Variants in AIMP2 observed in about 807,000 individuals in gnomAD.
AIMP2 encodes aminoacyl tRNA synthetase complex interacting multifunctional protein 2, also known as aminoacyl tRNA synthase complex-interacting multifunctional protein 2.
AIMP2 carries 20 observed loss-of-function variants against 23.4 expected under a neutral mutation model. That is an observed-to-expected ratio of 0.85 (90% CI 0.60 to 1.24). AIMP2 has a LOEUF of 1.24. Ranked by LOEUF, AIMP2 falls within the 50% of genes most tolerant of loss-of-function variation. The pLI is 0.00. For synonymous variants in AIMP2, 210 were observed against 170.4 expected (o/e 1.23, Z -1.81); for missense variants, 515 against 414.5 (o/e 1.24, Z -2.10).
intron 3 of AIMP2, chr7:6,022,511 A>G (rs1787499653): frequency 6.6e-6 from 1 of 152,238 alleles, no homozygotes; most frequent in African/African-American, 2.4e-5. Flanking sequence ...AAGAGGCAGC[A>G]AGGGTTTAGG....
intron 1 of AIMP2, chr7:6,012,624 C>G (rs1054571614): frequency 1.4e-5 from 4 of 283,208 alleles, no homozygotes; most frequent in Non-Finnish European, 3.1e-5. Context: ...ATGTCGCAAT[C>G]TCAGCTCACT....
At chr7:6,021,359 A>G (rs995751504) in intron 3 of AIMP2, among the ~76,000 whole-genome samples, 13 of 150,608 alleles carry the variant, frequency 8.6e-5, no homozygotes, top group Admixed American at 2.0e-4. Flanking sequence ...AAAAAAAAAA[A>G]GAGAACCCTG....
intron 1 of AIMP2, among the ~76,000 whole-genome samples, chr7:6,013,414 C>T (rs1231473391): frequency 7.6e-6 from 1 of 131,902 alleles, no homozygotes; most frequent in African/African-American, 2.5e-5. Context: ...GGCACCCACA[C>T]CACACCTGGC....
At chr7:6,012,928 T>A in intron 1 of AIMP2, 1 of 989,824 alleles carries the variant, frequency 1.0e-6, no homozygotes, top group Non-Finnish European at 1.2e-6. Flanking sequence ...CTCTGACGTT[T>A]GATCTTAAAT....
At chr7:6,020,940 A>C (rs960574439) in intron 3 of AIMP2, among the ~76,000 whole-genome samples, 17 of 152,204 alleles carry the variant, frequency 1.1e-4, no homozygotes, top group African/African-American at 3.6e-4. Context: ...TAACGGGAAA[A>C]GATAAACACA....
intron 1 of AIMP2, among the ~76,000 whole-genome samples, chr7:6,013,673 G>A (rs1456900282): frequency 6.6e-6 from 1 of 152,192 alleles, no homozygotes; most frequent in Non-Finnish European, 1.5e-5. Context: ...GCCTGGCCAC[G>A]TGTGGTGGCT....
chr7:6,011,158 T>C (rs1182765187), intron 1 of AIMP2, among the ~76,000 whole-genome samples: 4 of 152,198 alleles, frequency 2.6e-5, no homozygotes, highest in Admixed American at 2.0e-4. Flanking sequence ...AATACTCTTA[T>C]ACAGAGGAGC....
At chr7:6,012,792 T>A (rs936112341) in intron 1 of AIMP2, 42 of 1,015,772 alleles carry the variant, frequency 4.1e-5, no homozygotes, top group Non-Finnish European at 4.0e-5. Context: ...CCTCAAGTGA[T>A]CCACCCGCCT....
chr7:6,010,667 T>C (rs1371360715), intron 1 of AIMP2, among the ~76,000 whole-genome samples: 1 of 152,076 alleles, frequency 6.6e-6, no homozygotes, highest in Non-Finnish European at 1.5e-5. Context: ...CAGGCTGATC[T>C]CGAACTCCTG....
chr7:6,011,650 C>G (rs943910923), intron 1 of AIMP2, among the ~76,000 whole-genome samples: 4 of 152,146 alleles, frequency 2.6e-5, no homozygotes, highest in Admixed American at 1.3e-4. Flanking sequence ...CCCAATAACA[C>G]AACTGTTATT....
chr7:6,014,998 G>A, intron 1 of AIMP2, 148 bp from the exon 2 acceptor site: 1 of 1,495,338 alleles, frequency 6.7e-7, no homozygotes, highest in Non-Finnish European at 8.9e-7. Context: ...GGGATTACAG[G>A]CGTGAGCCAC....
chr7:6,014,788 C>T (rs28430759), intron 1 of AIMP2: 88,788 of 218,048 alleles, frequency 0.41, 19,827 homozygotes, highest in East Asian at 0.71. Flanking sequence ...GGTGCCATCT[C>T]GGCTCACTGC....
chr7:6,019,143 T>C (rs79231966), intron 3 of AIMP2, among the ~76,000 whole-genome samples: 3,785 of 151,664 alleles, frequency 0.025, 85 homozygotes, highest in Middle Eastern at 0.12. Flanking sequence ...TCTGCTTCAA[T>C]CTGCTTCAGA....
chr7:6,019,579 C>A (rs1010962999), intron 3 of AIMP2, among the ~76,000 whole-genome samples: 1 of 151,260 alleles, frequency 6.6e-6, no homozygotes, highest in African/African-American at 2.4e-5. Flanking sequence ...GGGACACTTA[C>A]AAAGTGTCTC....
At chr7:6,012,749 G>C (rs1378292155) in intron 1 of AIMP2, 2 of 782,996 alleles carry the variant, frequency 2.6e-6, no homozygotes, top group African/African-American at 3.7e-5. Flanking sequence ...AGTAGAAATG[G>C]AGTTTCATCA....
chr7:6,009,734 T>A (rs186949505), intron 1 of AIMP2, among the ~76,000 whole-genome samples: 1 of 151,562 alleles, frequency 6.6e-6, no homozygotes, highest in Admixed American at 6.6e-5. Flanking sequence ...GCGGATCACC[T>A]GAGGTCAGGA....
chr7:6,020,033 A>AAG (rs56878185), intron 3 of AIMP2, among the ~76,000 whole-genome samples: 18,202 of 150,446 alleles, frequency 0.12, 1,309 homozygotes, highest in African/African-American at 0.18. Flanking sequence ...AAAAAAAAAA[A>AAG]AAAAGGGAAA....
At chr7:6,023,061 A>G in intron 3 of AIMP2, 1 of 478,842 alleles carries the variant, frequency 2.1e-6, no homozygotes, top group Non-Finnish European at 3.6e-6. Flanking sequence ...TTCTAGCTTC[A>G]GAAGTGTCAT....
intron 2 of AIMP2, chr7:6,016,804 G>C (rs1787056551): frequency 6.6e-6 from 1 of 152,280 alleles, no homozygotes; most frequent in South Asian, 2.1e-4. Context: ...GGCCGTGAGT[G>C]TTCACATCAG....
Sources: gnomAD v4.1 joint callset for allele counts (sites outside exome capture counted in the v4.1 genomes callset) on GRCh38, gnomAD v4.1.1 for gene constraint, MANE v1.5 for transcripts, NCBI Gene and HGNC (gene_info 2026-07-23, HGNC 2026-07-21) for gene names.